Variants in TBC1D31 observed in about 807,000 individuals in gnomAD.
TBC1D31 encodes TBC1 domain family member 31, also known as WD repeat domain 67.
A neutral mutation model predicts 132.9 loss-of-function variants in TBC1D31; 99 were observed. The observed-to-expected ratio is 0.74, with a 90% confidence interval of 0.63 to 0.88. TBC1D31 has a LOEUF of 0.88. Among genes scored for constraint, TBC1D31 ranks in the 40% least tolerant of loss-of-function variants. TBC1D31 has a pLI of 0.00. For synonymous variants in TBC1D31, 385 were observed against 419.4 expected (o/e 0.92, Z 1.00); for missense variants, 1,134 against 1,256.6 (o/e 0.90, Z 1.48).
At chr8:123,074,985 A>G (rs1170124315) in intron 1 of TBC1D31, 1 of 152,268 alleles carries the variant, frequency 6.6e-6, no homozygotes, top group Non-Finnish European at 1.5e-5. Flanking sequence ...TGTGATTTAT[A>G]TGAAAAATCG....
At position 123,109,528 on chromosome 8, in the gene TBC1D31, T is replaced by C. The variant is rs1818257917; in HGVS notation, c.1344T>C (p.Ser448=). Residue 448 remains serine, a synonymous_variant, in exon 10 of 22, where the codon AGT becomes AGC. Transcript: ENST00000287380. ...TGCCTGAAAATCATACTGCGTTTAG[T>C]ACCCTCATAGATAAGGGGACTCATG... The part of the protein sequence containing the change: ...LQLPENHTAF[S]TLIDKGTHVA... The C allele has an allele frequency of 6.2e-7, 1 of 1,614,010 alleles. No individual in the cohort carries two copies. Among genetic ancestry groups the C allele is most frequent in the Non-Finnish European group, 8.5e-7 (1 of 1,179,932 alleles).
the TBC1D31 span, among the ~76,000 whole-genome samples, chr8:123,161,754 C>A: frequency 2.0e-5 from 3 of 152,206 alleles, no homozygotes; most frequent in Admixed American, 2.0e-4. Context: ...CATTGGCTCA[C>A]ACCTGTAATC....
chr8:123,146,230 T>G (rs1330314796), intron 20 of TBC1D31, among the ~76,000 whole-genome samples: 1 of 152,182 alleles, frequency 6.6e-6, no homozygotes, highest in Non-Finnish European at 1.5e-5. Context: ...TACTAAAAAA[T>G]ACACTTACAT....
chr8:123,137,792 T>C (rs984953088), intron 17 of TBC1D31, among the ~76,000 whole-genome samples: 1 of 152,248 alleles, frequency 6.6e-6, no homozygotes, highest in Admixed American at 6.5e-5. Context: ...CAGACACTCT[T>C]ATCAGGCAGA....
At chr8:123,111,118 G>T in intron 10 of TBC1D31, among the ~76,000 whole-genome samples, 1 of 151,212 alleles carries the variant, frequency 6.6e-6, no homozygotes, top group African/African-American at 2.4e-5. Flanking sequence ...TTTGGTATTT[G>T]TTTCTTTCAC....
At chr8:123,098,383 C>T (rs933156271) in intron 6 of TBC1D31, among the ~76,000 whole-genome samples, 1 of 152,118 alleles carries the variant, frequency 6.6e-6, no homozygotes, top group South Asian at 2.1e-4. Flanking sequence ...CTCACTGCAA[C>T]CTCCGCCTCC....
chr8:123,112,572 C>CT (rs1037418112), intron 10 of TBC1D31, among the ~76,000 whole-genome samples: 3 of 152,042 alleles, frequency 2.0e-5, no homozygotes, highest in African/African-American at 7.2e-5. Context: ...AAATATTCAT[C>CT]TTTTTTTTAT....
chr8:123,086,425 G>A (rs1180894072), intron 4 of TBC1D31, among the ~76,000 whole-genome samples: 1 of 152,150 alleles, frequency 6.6e-6, no homozygotes, highest in African/African-American at 2.4e-5. Context: ...AAGCACTGGC[G>A]GCTGCAAGTG....
intron 3 of TBC1D31, 50 bp from the exon 4 acceptor site, chr8:123,084,110 CTT>C: frequency 2.7e-6 from 4 of 1,491,638 alleles, no homozygotes; most frequent in Non-Finnish European, 3.7e-6. Context: ...TGTAATGTTA[CTT>C]CTAGACGTAC....
At chr8:123,156,633 A>G (rs1485548432), downstream of TBC1D31, among the ~76,000 whole-genome samples, 1 of 152,154 alleles carries the variant, frequency 6.6e-6, no homozygotes, top group Non-Finnish European at 1.5e-5. Flanking sequence ...CCGCAGTAGC[A>G]GCGTCTGTTT....
intron 20 of TBC1D31, among the ~76,000 whole-genome samples, chr8:123,147,369 C>T (rs1008892928): frequency 6.6e-6 from 1 of 152,160 alleles, no homozygotes; most frequent in Non-Finnish European, 1.5e-5. Context: ...GACGGGGTTT[C>T]ACCATGTTGG....
intron 8 of TBC1D31, among the ~76,000 whole-genome samples, chr8:123,106,784 T>A (rs1039205871): frequency 3.9e-5 from 6 of 152,204 alleles, no homozygotes; most frequent in Admixed American, 3.9e-4. Flanking sequence ...TTTGATGATT[T>A]ATTAGGACTC....
At chr8:123,099,257 C>T (rs1307617829) in intron 6 of TBC1D31, among the ~76,000 whole-genome samples, 3 of 152,032 alleles carry the variant, frequency 2.0e-5, no homozygotes, top group Non-Finnish European at 4.4e-5. Flanking sequence ...GTAGCTGGGA[C>T]TATAGGCGCC....
At chr8:123,142,035 C>A (rs6984928) in intron 18 of TBC1D31, among the ~76,000 whole-genome samples, 12,169 of 151,374 alleles carry the variant, frequency 0.08, 622 homozygotes, top group Admixed American at 0.17. Context: ...TAATTTCTAC[C>A]TGAAGAGCTT....
At chr8:123,145,859 C>A (rs1207318581) in intron 20 of TBC1D31, among the ~76,000 whole-genome samples, 7 of 147,596 alleles carry the variant, frequency 4.7e-5, no homozygotes, top group African/African-American at 1.0e-4. Context: ...CACCTTTTTT[C>A]TTTCTCTTTT....
rs1434630496 is a variant in TBC1D31, at chr8:123,130,302, TAAG to T, written c.2380_2382del (p.Arg794del). On this transcript the variant is annotated inframe_deletion, in exon 16 of 22. Transcript: ENST00000287380. ...CAGCAAGATCAACAGGAAATGGAAC[TAAG>T]AAGACTGGATGATGAAATTGGGAGA... 2 of 1,612,626 alleles carry T rather than the reference TAAG, an allele frequency of 1.2e-6. No individual in the cohort carries two copies. Among genetic ancestry groups the T allele is most frequent in the Non-Finnish European group, 1.7e-6 (2 of 1,179,320 alleles).
intron 21 of TBC1D31, among the ~76,000 whole-genome samples, chr8:123,151,332 A>G (rs544358668): frequency 1.3e-5 from 2 of 152,302 alleles, no homozygotes; most frequent in East Asian, 3.9e-4. Context: ...ACACTTGGAC[A>G]TGTTGTAGTA....
At position 123,140,829 on chromosome 8, in the gene TBC1D31, A is replaced by G. The variant is rs1178725321; in HGVS notation, c.2568A>G (p.Lys856=). ...CAGATGCAGATGCCTATAGACGAAA[A>G]GTGGATCTTGAAGAACACATGTTTC... ...MRADADAYRR[K]VDLEEHMFHK... is the part of the protein sequence containing the mutation. The change falls in exon 18 of 22, where the codon AAA becomes AAG. Residue 856 remains lysine, a synonymous_variant. Transcript: ENST00000287380. 1.9e-6 allele frequency: 3 copies of G among 1,613,744 alleles called. No individual in the cohort carries two copies. The highest frequency in any genetic ancestry group is 2.5e-6 in the Non-Finnish European group (3 of 1,179,852).
chr8:123,164,298 T>C, the TBC1D31 span, among the ~76,000 whole-genome samples: 1 of 152,146 alleles, frequency 6.6e-6, no homozygotes, highest in African/African-American at 2.4e-5. Context: ...GCTCTGGGTA[T>C]ATACATCAAA....
Sources: gnomAD v4.1 joint callset for allele counts (sites outside exome capture counted in the v4.1 genomes callset) on GRCh38, gnomAD v4.1.1 for gene constraint, MANE v1.5 for transcripts, NCBI Gene and HGNC (gene_info 2026-07-23, HGNC 2026-07-21) for gene names.